Variants in ITPR2 observed in about 807,000 individuals in gnomAD.
The protein encoded by ITPR2 is inositol 1,4,5-trisphosphate receptor type 2.
ITPR2 carries 207 observed loss-of-function variants against 317.1 expected under a neutral mutation model. The observed-to-expected ratio is 0.65, with a 90% CI of 0.58 to 0.73. The LOEUF (loss-of-function observed/expected upper bound fraction) is 0.73. Among genes scored for constraint, ITPR2 ranks in the 30% least tolerant of loss-of-function variants. The pLI is 0.00. For missense variants in ITPR2, 2,613 were observed against 3,284.0 expected (o/e 0.80, Z 4.99); for synonymous variants, 1,156 against 1,149.1 (o/e 1.01, Z -0.12).
At chr12:26,639,896 G>A (rs1053111763) in intron 21 of ITPR2, among the ~76,000 whole-genome samples, 3 of 152,092 alleles carry the variant, frequency 2.0e-5, no homozygotes, top group African/African-American at 7.2e-5. Flanking sequence ...TTGGTTCCAA[G>A]TCTTTGCTAC....
intron 37 of ITPR2, among the ~76,000 whole-genome samples, chr12:26,547,097 C>G (rs1944407693): frequency 6.6e-6 from 1 of 152,126 alleles, no homozygotes; most frequent in African/African-American, 2.4e-5. Flanking sequence ...AGGAAACACT[C>G]AACAGAGTGA....
chr12:26,416,160 T>C (rs1940713800), intron 50 of ITPR2, among the ~76,000 whole-genome samples: 1 of 152,184 alleles, frequency 6.6e-6, no homozygotes, highest in Admixed American at 6.6e-5. Context: ...AAATATAATA[T>C]GTACATTGCT....
chr12:26,432,644 C>T (rs1226057262), intron 48 of ITPR2, among the ~76,000 whole-genome samples: 1 of 151,996 alleles, frequency 6.6e-6, no homozygotes, highest in Non-Finnish European at 1.5e-5. Flanking sequence ...CATTTATTTC[C>T]GTCATTCTGT....
intron 37 of ITPR2, among the ~76,000 whole-genome samples, chr12:26,511,872 C>G (rs1453764985): frequency 6.6e-6 from 1 of 152,202 alleles, no homozygotes; most frequent in Non-Finnish European, 1.5e-5. Flanking sequence ...TTTTCGCCCT[C>G]AGGCCCCATC....
At chr12:26,725,925 C>A (rs368356871) in intron 2 of ITPR2, 160 bp from the exon 3 acceptor site, 3 of 527,336 alleles carry the variant, frequency 5.7e-6, no homozygotes, top group Admixed American at 3.4e-5. Context: ...CACTCTATAA[C>A]ATCCTTTTCA....
chr12:26,567,288 C>T (rs946010091), intron 34 of ITPR2, among the ~76,000 whole-genome samples: 5 of 152,174 alleles, frequency 3.3e-5, no homozygotes, highest in African/African-American at 1.2e-4. Flanking sequence ...TTAGTGACTT[C>T]AGGGAAATCT....
At chr12:26,774,643 C>A (rs2137161404) in intron 2 of ITPR2, among the ~76,000 whole-genome samples, 1 of 152,310 alleles carries the variant, frequency 6.6e-6, no homozygotes, top group Non-Finnish European at 1.5e-5. Flanking sequence ...AATCACAGGT[C>A]TTTCAATTAA....
intron 26 of ITPR2, 42 bp downstream of exon 26, chr12:26,621,081 A>G (rs967413529): frequency 1.3e-6 from 2 of 1,541,338 alleles, no homozygotes; most frequent in African/African-American, 2.7e-5. Flanking sequence ...CTGACTTAAA[A>G]GACATCATTG....
At chr12:26,469,157 T>C (rs1314878163) in intron 45 of ITPR2, among the ~76,000 whole-genome samples, 4 of 152,262 alleles carry the variant, frequency 2.6e-5, no homozygotes, top group African/African-American at 9.6e-5. Context: ...CTTCCTTTTA[T>C]ATACACTTCA....
At chr12:26,571,608 G>A (rs1945162141) in intron 34 of ITPR2, among the ~76,000 whole-genome samples, 1 of 152,260 alleles carries the variant, frequency 6.6e-6, no homozygotes, top group African/African-American at 2.4e-5. Context: ...AGAGATTTGT[G>A]ATAGGAGAGG....
chr12:26,656,090 T>A (rs190788746), intron 19 of ITPR2, among the ~76,000 whole-genome samples: 39 of 152,320 alleles, frequency 2.6e-4, no homozygotes, highest in Admixed American at 9.8e-4. Flanking sequence ...TCAATATTAT[T>A]TACTGTTTTC....
chr12:26,808,405 C>T (rs1950674838), intron 1 of ITPR2, among the ~76,000 whole-genome samples: 1 of 152,168 alleles, frequency 6.6e-6, no homozygotes, highest in Admixed American at 6.5e-5. Context: ...CCATACCTGC[C>T]ACATACTAAA....
intron 2 of ITPR2, among the ~76,000 whole-genome samples, chr12:26,748,517 G>A (rs1187558623): frequency 6.6e-6 from 1 of 152,114 alleles, no homozygotes; most frequent in Non-Finnish European, 1.5e-5. Context: ...TAGTTTTGAC[G>A]ATTGCTCCTA....
At chr12:26,672,463 C>T (rs1485557737) in intron 13 of ITPR2, among the ~76,000 whole-genome samples, 6 of 151,630 alleles carry the variant, frequency 4.0e-5, no homozygotes, top group African/African-American at 1.5e-4. Context: ...GGGTACATAA[C>T]GAAATGAAGG....
chr12:26,395,935 T>C (rs1939984083), intron 54 of ITPR2, among the ~76,000 whole-genome samples: 1 of 152,230 alleles, frequency 6.6e-6, no homozygotes, highest in Admixed American at 6.5e-5. Context: ...TCATACATAG[T>C]ATTCATTTTT....
chr12:26,477,081 A>C (rs1333291747), intron 43 of ITPR2, 74 bp from the exon 44 acceptor site: 11 of 936,082 alleles, frequency 1.2e-5, no homozygotes, highest in Non-Finnish European at 1.9e-5. Context: ...CATTTGTTTT[A>C]ATTGAGATTA....
At chr12:26,372,866 G>A (rs951472606) in intron 55 of ITPR2, among the ~76,000 whole-genome samples, 1 of 152,174 alleles carries the variant, frequency 6.6e-6, no homozygotes, top group African/African-American at 2.4e-5. Flanking sequence ...TGTAGCCTGA[G>A]ACAGTGGAAA....
intron 52 of ITPR2, among the ~76,000 whole-genome samples, chr12:26,403,898 G>A (rs1264473528): frequency 6.6e-6 from 1 of 152,192 alleles, no homozygotes; most frequent in Non-Finnish European, 1.5e-5. Context: ...AGTGGAAGAC[G>A]AAGCTGGAGC....
intron 2 of ITPR2, among the ~76,000 whole-genome samples, chr12:26,753,047 G>A (rs1260515313): frequency 6.6e-6 from 1 of 152,168 alleles, no homozygotes; most frequent in African/African-American, 2.4e-5. Flanking sequence ...CAATAACTCT[G>A]GGTAAGTGGT....
Sources: allele counts gnomAD v4.1 joint callset (sites outside exome capture counted in the v4.1 genomes callset), GRCh38; gene constraint gnomAD v4.1.1; transcripts MANE v1.5; gene names NCBI Gene and HGNC (gene_info 2026-07-23, HGNC 2026-07-21).